Variants in BCAS3 observed in about 807,000 individuals in gnomAD.
BCAS3 encodes the protein BCAS4/BCAS3 fusion.
A neutral mutation model predicts 116.1 loss-of-function variants in BCAS3; 53 were observed. The observed-to-expected ratio is 0.46, with a 90% CI of 0.37 to 0.57. The LOEUF (loss-of-function observed/expected upper bound fraction) is 0.57, where lower values mean the gene tolerates loss of function less well. BCAS3 is among the 20% of genes least tolerant of loss of function. BCAS3 has a pLI of 0.00. For synonymous variants in BCAS3, 391 were observed against 408.2 expected, an observed-to-expected ratio of 0.96 and a Z score of 0.51; for missense variants, 917 against 1,165.4, an observed-to-expected ratio of 0.79 and a Z score of 3.10.
intron 5 of BCAS3, among the ~76,000 whole-genome samples, chr17:60,725,101 C>T (rs189673783): frequency 3.3e-5 from 5 of 152,298 alleles, no homozygotes; most frequent in East Asian, 1.9e-4. Context: ...AGCAGTCCAT[C>T]TGCCTAAGCC....
intron 9 of BCAS3, among the ~76,000 whole-genome samples, chr17:60,880,434 G>A (rs571620406): frequency 2.6e-5 from 4 of 152,196 alleles, no homozygotes; most frequent in Non-Finnish European, 5.9e-5. Flanking sequence ...GATTACAGGC[G>A]CATGCCACCA....
rs1005885695 is a variant in BCAS3, at chr17:61,355,223, C to T, written c.2426-13104C>T. The T allele has an allele frequency of 6.6e-6, 1 of 152,212 alleles. No individual in the cohort carries two copies. Among genetic ancestry groups the T allele is most frequent in the Non-Finnish European group, 1.5e-5 (1 of 68,030 alleles). 9.4% of individuals were successfully genotyped at this position (152,212 alleles called of 1,614,324 possible). On this transcript the variant is annotated intron_variant, in intron 22 of 23. Transcript: ENST00000407086. This position sits in a 1 kb window ranked among gnomAD's most constrained non-coding sequence, Gnocchi z 4.2. ...TATATTGGGTTTCACATCTGAAATC[C>T]AGTCATGATAAATCTGGTTTTTGAA...
At chr17:60,721,323 C>T (rs1226814099) in intron 5 of BCAS3, among the ~76,000 whole-genome samples, 1 of 152,026 alleles carries the variant, frequency 6.6e-6, no homozygotes, top group African/African-American at 2.4e-5. Context: ...TAGGTGGATC[C>T]TTAGACTGTA....
At position 61,276,405 on chromosome 17, in the gene BCAS3, A is replaced by G. The variant is rs926406588; in HGVS notation, c.2426-91922A>G. The stretch of plus-strand genomic sequence containing the variant: ...TCACTTGTGTTTCTATACAGTAGCA[A>G]TGAGCAAACCGCAAATAAAATTAGG... On this transcript the variant is annotated intron_variant, in intron 22 of 23. Transcript: ENST00000407086. This position sits in a 1 kb window ranked among gnomAD's most constrained non-coding sequence, Gnocchi z 4.2. 6.6e-6 allele frequency among the ~76,000 whole-genome samples: 1 copy of G among 152,236 alleles called. No homozygotes were observed.
intron 22 of BCAS3, among the ~76,000 whole-genome samples, chr17:61,092,602 TG>T (rs1331564505): frequency 6.6e-6 from 1 of 152,236 alleles, no homozygotes; most frequent in East Asian, 1.9e-4. Context: ...TGCTTTTCTC[TG>T]TTGAGTAATG....
In BCAS3 at chr17:61,344,519, G is replaced by A. The variant is rs1447643781; in HGVS notation, c.2426-23808G>A. On this transcript the variant is annotated intron_variant, in intron 22 of 23. Transcript: ENST00000407086. This position sits in a 1 kb window ranked among gnomAD's most constrained non-coding sequence, Gnocchi z 4.1. ...TGAGGGTACCATGGAGAGCAAAGTAGATGATATCTCTGCCCCCATGGGGCT... is the reference window on the plus strand; with the variant it reads ...TGAGGGTACCATGGAGAGCAAAGTAAATGATATCTCTGCCCCCATGGGGCT... 1.3e-5 allele frequency among the ~76,000 whole-genome samples: 2 copies of A among 152,192 alleles called. No homozygotes were observed. Among genetic ancestry groups the A allele is most frequent in the African/African-American group, 4.8e-5 (2 of 41,436 alleles).
intron 22 of BCAS3, among the ~76,000 whole-genome samples, chr17:61,184,082 A>G (rs2079628659): frequency 6.6e-6 from 1 of 152,216 alleles, no homozygotes; most frequent in Non-Finnish European, 1.5e-5. Flanking sequence ...AAATGAACCA[A>G]TGTTACATAT....
At chr17:60,917,595 A>ATTT in intron 12 of BCAS3, among the ~76,000 whole-genome samples, 1 of 146,346 alleles carries the variant, frequency 6.8e-6, no homozygotes, top group Non-Finnish European at 1.5e-5. Context: ...CCTTTTGCCA[A>ATTT]TTTTTTTTTT....
intron 11 of BCAS3, among the ~76,000 whole-genome samples, chr17:60,907,349 G>A (rs1159130165): frequency 6.6e-6 from 1 of 152,096 alleles, no homozygotes; most frequent in Non-Finnish European, 1.5e-5. Context: ...TGTGTTACCA[G>A]TGTGGTCAAT....
intron 22 of BCAS3, among the ~76,000 whole-genome samples, chr17:61,345,751 C>T (rs891634114): frequency 4.6e-5 from 7 of 151,804 alleles, no homozygotes; most frequent in African/African-American, 1.7e-4. Flanking sequence ...GCCCCAAACA[C>T]GGGGATGGGC....
chr17:60,973,822 C>A (rs1374941867), intron 14 of BCAS3, among the ~76,000 whole-genome samples: 2 of 151,946 alleles, frequency 1.3e-5, no homozygotes, highest in Non-Finnish European at 2.9e-5. Context: ...GAACCCCTGA[C>A]CTCAAGTGAT....
intron 19 of BCAS3, among the ~76,000 whole-genome samples, chr17:61,047,324 G>C (rs1186074900): frequency 2.0e-5 from 3 of 151,972 alleles, no homozygotes; most frequent in Non-Finnish European, 4.4e-5. Context: ...CTGTTATTAG[G>C]TGGAACGATA....
chr17:60,999,278 G>T (rs1382655813), intron 15 of BCAS3, among the ~76,000 whole-genome samples: 1 of 152,006 alleles, frequency 6.6e-6, no homozygotes, highest in South Asian at 2.1e-4. Flanking sequence ...GGTGGCTCAC[G>T]CCTGTAATCC....
At chr17:61,260,154 G>A (rs1368568775) in intron 22 of BCAS3, among the ~76,000 whole-genome samples, 1 of 152,160 alleles carries the variant, frequency 6.6e-6, no homozygotes, top group African/African-American at 2.4e-5. Flanking sequence ...TTTATTTACA[G>A]AAAGCTCAAA....
chr17:61,075,098 A>G (rs779568245), intron 20 of BCAS3, 78 bp downstream of exon 20: 17 of 1,125,244 alleles, frequency 1.5e-5, no homozygotes, highest in Non-Finnish European at 2.2e-5. Context: ...CCTTAGAGGT[A>G]AAAGGGGAGA....
intron 15 of BCAS3, among the ~76,000 whole-genome samples, chr17:61,003,105 C>T (rs1188070681): frequency 1.3e-5 from 2 of 151,672 alleles, no homozygotes; most frequent in African/African-American, 4.8e-5. Flanking sequence ...GGGCCCTTTC[C>T]TGGAAATCCT....
intron 10 of BCAS3, among the ~76,000 whole-genome samples, chr17:60,893,600 CTT>C (rs930873750): frequency 0.016 from 1,333 of 81,836 alleles, 5 homozygotes; most frequent in East Asian, 0.064. Flanking sequence ...GACCTATGAT[CTT>C]TTTTTTTTTT....
intron 23 of BCAS3, chr17:61,384,037 C>T (rs2059728464): frequency 6.6e-6 from 1 of 152,348 alleles, no homozygotes; most frequent in Non-Finnish European, 1.5e-5. Flanking sequence ...AGTCTCCAAG[C>T]CCTGTCCCCT....
chr17:61,043,986 C>G (rs1229296265), intron 19 of BCAS3, among the ~76,000 whole-genome samples: 2 of 152,002 alleles, frequency 1.3e-5, no homozygotes, highest in Non-Finnish European at 2.9e-5. Flanking sequence ...GCACTTCAAG[C>G]TCCACTACTC....
Sources: gnomAD v4.1 joint callset for allele counts (sites outside exome capture counted in the v4.1 genomes callset) on GRCh38, gnomAD v4.1.1 for gene constraint, Gnocchi (gnomAD v3.1) non-coding constraint, MANE v1.5 for transcripts, NCBI Gene and HGNC (gene_info 2026-07-23, HGNC 2026-07-21) for gene names.